Variants in SAMD5 observed in about 807,000 individuals in gnomAD.
The protein encoded by SAMD5 is sterile alpha motif domain containing 5, also known as sterile alpha motif domain-containing protein 5.
A neutral mutation model predicts 11.3 loss-of-function variants in SAMD5; 13 were observed. The observed-to-expected ratio is 1.15, with a 90% confidence interval of 0.75 to 1.83. SAMD5 has a LOEUF of 1.83. Among genes scored for constraint, SAMD5 ranks in the 40% most tolerant of loss-of-function variants. The pLI is 0.00. For missense variants in SAMD5, 255 were observed against 239.1 expected (o/e 1.07, Z -0.44); for synonymous variants, 129 against 111.3 (o/e 1.16, Z -1.00).
chr6:147,942,823 C>CTTTTTTTT, the SAMD5 span, among the ~76,000 whole-genome samples: 13 of 128,842 alleles, frequency 1.0e-4, no homozygotes, highest in South Asian at 2.4e-4. Flanking sequence ...CCCAATGCTT[C>CTTTTTTTT]TTTTTTTTTT....
the SAMD5 span, among the ~76,000 whole-genome samples, chr6:147,908,088 T>C: frequency 1.3e-5 from 2 of 152,176 alleles, no homozygotes; most frequent in African/African-American, 4.8e-5. Context: ...ACAGCCTCTA[T>C]AAATATGTAA....
chr6:147,775,644 A>G, the SAMD5 span, among the ~76,000 whole-genome samples: 1 of 152,204 alleles, frequency 6.6e-6, no homozygotes, highest in African/African-American at 2.4e-5. Flanking sequence ...CAGATACCCA[A>G]GGAGGATCAG....
the SAMD5 span, among the ~76,000 whole-genome samples, chr6:147,752,372 A>G: frequency 1.4e-4 from 21 of 152,230 alleles, no homozygotes; most frequent in Non-Finnish European, 2.6e-4. Context: ...TTTAAAACCT[A>G]ATAATAGGAA....
rs1164828628 is a variant in SAMD5 at position 147,568,578 on chromosome 6, T to G, written c.*4122T>G. 28 of 985,304 alleles carry G rather than the reference T, an allele frequency of 2.8e-5. No individual in the cohort carries two copies. Among genetic ancestry groups the G allele is most frequent in the Middle Eastern group, 5.2e-4 (1 of 1,936 alleles). The allele number at this position is 985,304 out of a possible 1,614,324, so 61.0% of individuals were successfully genotyped here. A position where few individuals can be genotyped will look rare whatever the true frequency, so the allele number is the denominator to read the frequency against. ...AATTCTCAGACCAAGTACAAAGTATTAGGAATTTTTTATATCAGCTGACAT... is the reference window on the plus strand; with the variant it reads ...AATTCTCAGACCAAGTACAAAGTATGAGGAATTTTTTATATCAGCTGACAT... On this transcript the variant is annotated 3_prime_UTR_variant, in exon 2 of 2. Transcript: ENST00000367474.
At chr6:147,654,549 T>C (rs1790537571) in intron 1 of SAMD5, among the ~76,000 whole-genome samples, 1 of 152,076 alleles carries the variant, frequency 6.6e-6, no homozygotes, top group Admixed American at 6.6e-5. Flanking sequence ...TGATACCCCT[T>C]TCTAGGCCAC....
chr6:147,925,810 C>T, the SAMD5 span, among the ~76,000 whole-genome samples: 30 of 150,620 alleles, frequency 2.0e-4, no homozygotes, highest in African/African-American at 6.4e-4. Flanking sequence ...CCAGTGGTTG[C>T]GTTTTCTGCT....
At chr6:147,779,609 C>T in the SAMD5 span, among the ~76,000 whole-genome samples, 1 of 151,954 alleles carries the variant, frequency 6.6e-6, no homozygotes, top group Non-Finnish European at 1.5e-5. Context: ...GATTCTCCTG[C>T]CTAAACCTTC....
rs575586072 is a variant in SAMD5, at chr6:147,605,135, A to G, written c.162+95748A>G. 1.5e-3 allele frequency among the ~76,000 whole-genome samples: 221 copies of G among 152,204 alleles called. 1 individual carries two copies. Among genetic ancestry groups the G allele is most frequent in the Non-Finnish European group, 2.5e-3 (168 of 68,012 alleles). On this transcript the variant is annotated intron_variant, in intron 1 of 1. Coordinates refer to the SAMD5 transcript ENST00000566741. ...GCATTTTGTTTCATTATTATTTTTT[A>G]ACAGACAAGGACTGGCTCTGTTTTC...
chr6:147,564,281 G>T, intron 1 of SAMD5, 113 bp from the exon 2 acceptor site: 1 of 677,276 alleles, frequency 1.5e-6, no homozygotes, highest in Non-Finnish European at 2.7e-6. Context: ...AGTCCATGTG[G>T]TAAGCAGAAA....
chr6:147,691,428 T>C (rs1214465359), intron 1 of SAMD5, among the ~76,000 whole-genome samples: 2 of 152,358 alleles, frequency 1.3e-5, no homozygotes, highest in East Asian at 3.9e-4. Flanking sequence ...AAATTATAGA[T>C]ATATATACTA....
At chr6:147,917,879 A>G in the SAMD5 span, among the ~76,000 whole-genome samples, 8 of 152,104 alleles carry the variant, frequency 5.3e-5, no homozygotes, top group Admixed American at 1.3e-4. Context: ...GATGTGTGGT[A>G]TTATTTCTGA....
At chr6:147,820,747 G>A in the SAMD5 span, among the ~76,000 whole-genome samples, 4 of 152,138 alleles carry the variant, frequency 2.6e-5, no homozygotes, top group African/African-American at 7.2e-5. Flanking sequence ...CTCTGTGCCC[G>A]GGAGTTCTAT....
chr6:147,836,732 C>T, the SAMD5 span, among the ~76,000 whole-genome samples: 4 of 152,186 alleles, frequency 2.6e-5, no homozygotes, highest in Admixed American at 1.3e-4. Flanking sequence ...TTTTAAAACA[C>T]GTCTTCTCAA....
the SAMD5 span, among the ~76,000 whole-genome samples, chr6:147,927,346 T>A: frequency 6.6e-6 from 1 of 152,184 alleles, no homozygotes; most frequent in East Asian, 1.9e-4. Flanking sequence ...CTTTGAGCAG[T>A]GTTTTGTAAT....
At chr6:147,767,719 T>C in the SAMD5 span, among the ~76,000 whole-genome samples, 1 of 152,166 alleles carries the variant, frequency 6.6e-6, no homozygotes. Flanking sequence ...ACCTTGATCT[T>C]GGACAGTGAG....
chr6:147,540,946 T>TC (rs1372913577), intron 1 of SAMD5, among the ~76,000 whole-genome samples: 4 of 140,216 alleles, frequency 2.9e-5, no homozygotes, highest in Non-Finnish European at 6.2e-5. Context: ...TTTTTTTTTT[T>TC]TTTTTTTTTT....
At chr6:147,883,589 G>A in the SAMD5 span, among the ~76,000 whole-genome samples, 1 of 152,056 alleles carries the variant, frequency 6.6e-6, no homozygotes, top group Non-Finnish European at 1.5e-5. Flanking sequence ...AGATTATGTA[G>A]CCTTTACAAA....
chr6:147,536,071 CCTCCCGGGTTCACGCCATT>C (rs1788504387), intron 1 of SAMD5, among the ~76,000 whole-genome samples: 1 of 152,032 alleles, frequency 6.6e-6, no homozygotes, highest in Admixed American at 6.6e-5. Context: ...GCAAGCTCCA[CCTCCCGGGTTCACGCCATT>C]CTCCCGCCTC....
chr6:147,786,983 T>C, the SAMD5 span, among the ~76,000 whole-genome samples: 2 of 152,330 alleles, frequency 1.3e-5, no homozygotes, highest in African/African-American at 4.8e-5. Context: ...CAGAATTAAG[T>C]AATTTCATTA....
Sources: allele counts gnomAD v4.1 joint callset (sites outside exome capture counted in the v4.1 genomes callset), GRCh38; gene constraint gnomAD v4.1.1; transcripts MANE v1.5; gene names NCBI Gene and HGNC (gene_info 2026-07-23, HGNC 2026-07-21).